The following DSE variants were observed in gnomAD, a reference collection of about 807,000 sequenced individuals.
The protein encoded by DSE is dermatan-sulfate epimerase.
A neutral mutation model predicts 84.4 loss-of-function variants in DSE; 36 were observed. The observed-to-expected ratio is 0.43, with a 90% CI of 0.33 to 0.56. The LOEUF (loss-of-function observed/expected upper bound fraction) is 0.56. Among genes scored for constraint, DSE ranks in the 20% least tolerant of loss-of-function variants. DSE has a pLI of 0.06. For missense variants in DSE, 862 were observed against 1,169.6 expected, an observed-to-expected ratio of 0.74 and a Z score of 3.84; for synonymous variants, 410 against 430.1, an observed-to-expected ratio of 0.95 and a Z score of 0.58.
In DSE at chr6:116,437,346, C is replaced by T; in HGVS notation, c.*1C>T. The stretch of plus-strand genomic sequence containing the variant: ...TTCTTGTTCCCAATCACAGTGTTAG[C>T]ACTGAAGCTATAAATTACCTGGTCA... On this transcript the variant is annotated 3_prime_UTR_variant, in exon 6 of 6. Coordinates refer to ENST00000644252, the MANE Select transcript of DSE (RefSeq NM_013352.4). The T allele has an allele frequency of 6.3e-7, 1 of 1,576,984 alleles. No homozygotes were observed. Among genetic ancestry groups the T allele is most frequent in the Non-Finnish European group, 8.6e-7 (1 of 1,163,612 alleles).
At chr6:116,320,637 T>A (rs929398519) in intron 2 of DSE, among the ~76,000 whole-genome samples, 1 of 152,106 alleles carries the variant, frequency 6.6e-6, no homozygotes. Flanking sequence ...GAAGTCAAGA[T>A]CAAGGTACCA....
chr6:116,334,201 A>G (rs1376195418), intron 2 of DSE, among the ~76,000 whole-genome samples: 2 of 152,236 alleles, frequency 1.3e-5, no homozygotes, highest in African/African-American at 4.8e-5. Context: ...TTGAATGACT[A>G]GATGAGATTT....
chr6:116,390,301 T>C (rs1780821457), intron 1 of DSE, among the ~76,000 whole-genome samples: 1 of 152,172 alleles, frequency 6.6e-6, no homozygotes, highest in Non-Finnish European at 1.5e-5. Flanking sequence ...ACTCCTGGGC[T>C]CAAGTGCTGC....
chr6:116,421,477 T>A (rs1453515564), intron 2 of DSE, among the ~76,000 whole-genome samples: 19 of 114,126 alleles, frequency 1.7e-4, no homozygotes, highest in African/African-American at 8.1e-4. Flanking sequence ...TTTTTTTTTT[T>A]TTTTTTTTTT....
chr6:116,270,191 A>G (rs1409620198), intron 2 of DSE, among the ~76,000 whole-genome samples: 2 of 152,102 alleles, frequency 1.3e-5, no homozygotes, highest in African/African-American at 4.8e-5. Context: ...TGCCTAATAT[A>G]CTCAGTGCTC....
chr6:116,385,575 G>A (rs116247953), intron 1 of DSE, among the ~76,000 whole-genome samples: 1 of 152,260 alleles, frequency 6.6e-6, no homozygotes, highest in African/African-American at 2.4e-5. Flanking sequence ...TTAGTTGCCA[G>A]TAACTGAGTT....
At chr6:116,389,425 C>G (rs1233623102) in intron 1 of DSE, among the ~76,000 whole-genome samples, 1 of 151,770 alleles carries the variant, frequency 6.6e-6, no homozygotes, top group Non-Finnish European at 1.5e-5. Context: ...AAGGTGCTAC[C>G]TCATTTAATC....
chr6:116,400,660 T>C (rs1198955290), intron 2 of DSE: 2 of 152,220 alleles, frequency 1.3e-5, no homozygotes, highest in Non-Finnish European at 2.9e-5. Context: ...AGAGCTGATA[T>C]TTTAGGCCTG....
At chr6:116,316,949 A>C (rs577978731) in intron 2 of DSE, among the ~76,000 whole-genome samples, 1 of 152,212 alleles carries the variant, frequency 6.6e-6, no homozygotes, top group African/African-American at 2.4e-5. Context: ...TTATCCAAGA[A>C]GCAGATGCTG....
intron 1 of DSE, among the ~76,000 whole-genome samples, chr6:116,373,341 C>T (rs1427561246): frequency 6.6e-6 from 1 of 152,016 alleles, no homozygotes; most frequent in Non-Finnish European, 1.5e-5. Context: ...CCAGCCTGAG[C>T]GACAGAAGAA....
At chr6:116,372,269 C>T (rs1032939737) in intron 1 of DSE, among the ~76,000 whole-genome samples, 2 of 152,238 alleles carry the variant, frequency 1.3e-5, no homozygotes, top group Middle Eastern at 6.8e-3. Flanking sequence ...GAGATCGAGA[C>T]CATCCTGGCT....
intron 2 of DSE, chr6:116,259,243 T>G (rs752565941): frequency 1.7e-4 from 100 of 595,360 alleles, no homozygotes; most frequent in Non-Finnish European, 2.6e-4. Flanking sequence ...TTAAAATATC[T>G]ATTTTAAAAT....
chr6:116,285,223 G>A lies in DSE; in HGVS notation c.-54+26256G>A, dbSNP rs562586353. ...TAATGATCGCCATTCTAACTGGTAT[G>A]AGATGGTATCTCATTGTGGTTTTGA... On this transcript the variant is annotated intron_variant, in intron 2 of 3. Coordinates refer to the DSE transcript ENST00000430252. Among the ~76,000 whole-genome samples the A allele has an allele frequency of 5.6e-4, 85 of 152,316 alleles. 1 individual carries two copies. The highest frequency in any genetic ancestry group is 5.6e-4 in the Non-Finnish European group (38 of 68,010).
upstream of DSE, chr6:116,369,793 C>T: frequency 1.6e-6 from 1 of 632,508 alleles, no homozygotes; most frequent in South Asian, 1.6e-5. Flanking sequence ...TAAACTGAGA[C>T]ATCCACATTT....
chr6:116,436,404 T>A lies in DSE; in HGVS notation c.1936T>A (p.Tyr646Asn). ...PRGYPYNGTN[Y>N]VNVTMHLRSP... ...GGGCTATCCCTACAATGGGACAAAC[T>A]ATGTGAATGTCACCATGCACCTCCG... The change falls in exon 6 of 6, where the codon TAT (tyrosine) becomes AAT (asparagine). Residue 646 changes from tyrosine to asparagine, a missense_variant. Coordinates refer to ENST00000644252, the MANE Select transcript of DSE (RefSeq NM_013352.4). 6.2e-7 allele frequency: 1 copy of A among 1,614,116 alleles called. No homozygotes were observed. Among genetic ancestry groups the A allele is most frequent in the East Asian group, 2.2e-5 (1 of 44,882 alleles).
intron 1 of DSE, among the ~76,000 whole-genome samples, chr6:116,387,801 T>G (rs1274602992): frequency 6.6e-6 from 1 of 152,128 alleles, no homozygotes; most frequent in Non-Finnish European, 1.5e-5. Flanking sequence ...AAAAATTTTC[T>G]GGGAAAAAAG....
chr6:116,335,539 A>G (rs985400771), intron 2 of DSE, among the ~76,000 whole-genome samples: 3 of 152,264 alleles, frequency 2.0e-5, no homozygotes, highest in Non-Finnish European at 4.4e-5. Context: ...AATTTTAAAA[A>G]AAGATATTTT....
chr6:116,274,966 A>G (rs1345997392), intron 2 of DSE, among the ~76,000 whole-genome samples: 7 of 152,262 alleles, frequency 4.6e-5, no homozygotes, highest in Admixed American at 6.5e-5. Context: ...TAGTAGCCAC[A>G]TTAAACAATG....
chr6:116,341,168 G>T (rs572159633), intron 2 of DSE, among the ~76,000 whole-genome samples: 4 of 151,974 alleles, frequency 2.6e-5, no homozygotes, highest in African/African-American at 9.6e-5. Context: ...ACTTTTTAAT[G>T]ATTGCCATTC....
Sources: allele counts gnomAD v4.1 joint callset (sites outside exome capture counted in the v4.1 genomes callset), GRCh38; gene constraint gnomAD v4.1.1; transcripts MANE v1.5; gene names NCBI Gene and HGNC (gene_info 2026-07-23, HGNC 2026-07-21).